The following CNIH3 variants were observed in gnomAD, a reference collection of about 807,000 sequenced individuals.
CNIH3 encodes cornichon family AMPA receptor auxiliary protein 3.
A neutral mutation model predicts 24.1 loss-of-function variants in CNIH3; 14 were observed. The observed-to-expected ratio is 0.58, with a 90% CI of 0.38 to 0.91. The LOEUF (loss-of-function observed/expected upper bound fraction) is 0.91, where lower values mean the gene tolerates loss of function less well. CNIH3 is among the 40% of genes least tolerant of loss of function. The pLI, the probability that CNIH3 is intolerant of heterozygous loss-of-function variation, is 0.00. For missense variants in CNIH3, 178 were observed against 196.8 expected, an observed-to-expected ratio of 0.90 and a Z score of 0.57; for synonymous variants, 68 against 73.8, an observed-to-expected ratio of 0.92 and a Z score of 0.40.
intron 1 of CNIH3, among the ~76,000 whole-genome samples, chr1:224,444,355 G>T (rs570837541): frequency 2.8e-4 from 42 of 151,916 alleles, no homozygotes; most frequent in South Asian, 6.2e-4. Context: ...GTGGCATTTG[G>T]TTTTTTTTAT....
chr1:224,454,887 C>T (rs867845645), intron 1 of CNIH3, among the ~76,000 whole-genome samples: 1 of 152,140 alleles, frequency 6.6e-6, no homozygotes. Flanking sequence ...TAACCACCCA[C>T]CTCCTCTGAC....
chr1:224,705,654 G>A (rs547600359), intron 3 of CNIH3, among the ~76,000 whole-genome samples: 1 of 152,096 alleles, frequency 6.6e-6, no homozygotes, highest in Non-Finnish European at 1.5e-5. Flanking sequence ...GGGACATGGT[G>A]GTGTCTGTTC....
upstream of CNIH3, among the ~76,000 whole-genome samples, chr1:224,613,767 G>A (rs1210997041): frequency 2.0e-5 from 3 of 152,168 alleles, no homozygotes; most frequent in African/African-American, 7.2e-5. Context: ...ATGAATAAAA[G>A]CAACCCTGAG....
intron 1 of CNIH3, among the ~76,000 whole-genome samples, chr1:224,493,012 AT>A (rs1378533809): frequency 1.3e-5 from 2 of 152,242 alleles, no homozygotes; most frequent in African/African-American, 4.8e-5. Context: ...CATGGAATCC[AT>A]TTATAAGGAT....
At chr1:224,650,649 C>T (rs936350417) in intron 1 of CNIH3, among the ~76,000 whole-genome samples, 6 of 152,114 alleles carry the variant, frequency 3.9e-5, no homozygotes, top group Admixed American at 2.0e-4. Flanking sequence ...TTTAAACACC[C>T]GCAACAACAA....
intron 2 of CNIH3, among the ~76,000 whole-genome samples, chr1:224,531,719 C>T (rs548889380): frequency 3.9e-5 from 6 of 152,268 alleles, no homozygotes; most frequent in South Asian, 4.1e-4. Context: ...CACTGCACTG[C>T]GGAGAATATG....
chr1:224,507,282 G>C (rs1373202353), intron 1 of CNIH3, among the ~76,000 whole-genome samples: 2 of 152,218 alleles, frequency 1.3e-5, no homozygotes, highest in African/African-American at 4.8e-5. Context: ...TTAAGACACA[G>C]ACTTGGAGCC....
chr1:224,662,344 T>G (rs1685404328), intron 1 of CNIH3, among the ~76,000 whole-genome samples: 2 of 152,184 alleles, frequency 1.3e-5, no homozygotes, highest in Admixed American at 1.3e-4. Flanking sequence ...CTGTGCATAT[T>G]AAGTGCTCAC....
At chr1:224,687,399 A>G (rs946334548) in intron 3 of CNIH3, among the ~76,000 whole-genome samples, 1 of 151,940 alleles carries the variant, frequency 6.6e-6, no homozygotes, top group African/African-American at 2.4e-5. Flanking sequence ...TGCCTGGCCG[A>G]CTTTTTTATT....
At chr1:224,628,943 A>G (rs1005972751) in intron 1 of CNIH3, among the ~76,000 whole-genome samples, 8 of 148,078 alleles carry the variant, frequency 5.4e-5, no homozygotes, top group African/African-American at 9.9e-5. Context: ...CTCCCCCCCA[A>G]CCACCTGCCA....
At chr1:224,444,749 A>G (rs1558462560) in intron 1 of CNIH3, among the ~76,000 whole-genome samples, 1 of 151,884 alleles carries the variant, frequency 6.6e-6, no homozygotes, top group Non-Finnish European at 1.5e-5. Flanking sequence ...GGTTCAAGCA[A>G]TTCTCCTGCC....
intron 1 of CNIH3, among the ~76,000 whole-genome samples, chr1:224,440,621 A>G (rs184420910): frequency 6.6e-6 from 1 of 152,348 alleles, no homozygotes; most frequent in African/African-American, 2.4e-5. Flanking sequence ...ATGTTACAAA[A>G]CAGTGTGCAT....
At chr1:224,724,856 C>T (rs550499251) in intron 3 of CNIH3, among the ~76,000 whole-genome samples, 4 of 151,868 alleles carry the variant, frequency 2.6e-5, no homozygotes, top group South Asian at 4.2e-4. Context: ...TTGACTTTCA[C>T]GGTAAGAGCA....
At chr1:224,628,740 G>GT in intron 1 of CNIH3, among the ~76,000 whole-genome samples, 1 of 152,142 alleles carries the variant, frequency 6.6e-6, no homozygotes, top group South Asian at 2.1e-4. Context: ...TGAAAGGCTG[G>GT]TTTAGGCCAT....
chr1:224,520,760 A>G (rs923014104), intron 1 of CNIH3, among the ~76,000 whole-genome samples: 4 of 152,214 alleles, frequency 2.6e-5, no homozygotes, highest in African/African-American at 7.2e-5. Flanking sequence ...ACTCCTGCTT[A>G]TTCCTTGCCT....
chr1:224,641,249 G>T (rs1196996129), intron 1 of CNIH3, among the ~76,000 whole-genome samples: 1 of 152,178 alleles, frequency 6.6e-6, no homozygotes, highest in African/African-American at 2.4e-5. Context: ...ACCTGCCGGG[G>T]AGGGGAAGAG....
intron 2 of CNIH3, among the ~76,000 whole-genome samples, chr1:224,682,175 T>C (rs1240034257): frequency 6.6e-6 from 1 of 152,228 alleles, no homozygotes; most frequent in Admixed American, 6.5e-5. Context: ...TATAGAGTTA[T>C]TACTGGAGTT....
At chr1:224,671,424 T>C (rs60031851) in intron 1 of CNIH3, among the ~76,000 whole-genome samples, 3,464 of 152,318 alleles carry the variant, frequency 0.023, 118 homozygotes, top group African/African-American at 0.077. Context: ...CTGCCCTGCA[T>C]GGCACCCCAT....
intron 3 of CNIH3, among the ~76,000 whole-genome samples, chr1:224,697,240 G>T (rs1243836679): frequency 2.0e-5 from 3 of 152,232 alleles, no homozygotes; most frequent in Non-Finnish European, 4.4e-5. Flanking sequence ...TAGAGCGCTA[G>T]TTTGCAACCT....
Sources: gnomAD v4.1 joint callset for allele counts (sites outside exome capture counted in the v4.1 genomes callset) on GRCh38, gnomAD v4.1.1 for gene constraint, MANE v1.5 for transcripts, NCBI Gene and HGNC (gene_info 2026-07-23, HGNC 2026-07-21) for gene names.